DAW1: variants seen among roughly 807,000 people sequenced by gnomAD.
DAW1 encodes the protein dynein assembly factor with WD repeat domains 1.
A neutral mutation model predicts 56.5 loss-of-function variants in DAW1; 47 were observed. The ratio of observed to expected loss-of-function variants is 0.83; its 90% CI spans 0.66 to 1.06. DAW1 has a LOEUF of 1.06. Among genes scored for constraint, DAW1 ranks in the 50% least tolerant of loss-of-function variants. The pLI is 0.00. For missense variants in DAW1, 505 were observed against 499.3 expected (o/e 1.01, Z -0.11); for synonymous variants, 190 against 179.0 (o/e 1.06, Z -0.49).
intron 4 of DAW1, among the ~76,000 whole-genome samples, chr2:227,891,722 G>A (rs555664392): frequency 1.3e-5 from 2 of 152,340 alleles, no homozygotes; most frequent in African/African-American, 4.8e-5. Context: ...GGGAGCTGAC[G>A]TGCTAGGTAG....
chr2:227,898,141 G>T (rs1350378126), intron 5 of DAW1, 41 bp from the exon 6 acceptor site: 3 of 1,367,876 alleles, frequency 2.2e-6, no homozygotes, highest in Non-Finnish European at 3.0e-6. Flanking sequence ...ATTATATAAT[G>T]TGTCTTTTTT....
intron 1 of DAW1, among the ~76,000 whole-genome samples, chr2:227,883,487 G>A (rs976972418): frequency 2.0e-5 from 3 of 152,196 alleles, no homozygotes; most frequent in African/African-American, 7.2e-5. Flanking sequence ...GAGGTTTAAT[G>A]CAAGTATATG....
chr2:227,907,057 A>G lies in DAW1; in HGVS notation c.859-81A>G, dbSNP rs1332212346. 4.5e-5 allele frequency: 41 copies of G among 915,126 alleles called. No individual in the cohort carries two copies. In the South Asian group the frequency reaches 5.8e-4, roughly 13 times the overall value. The allele number at this position is 915,126 out of a possible 1,614,324, so 56.7% of individuals were successfully genotyped here. On this transcript the variant is annotated intron_variant, in intron 9 of 12. Transcript: ENST00000309931. Reference sequence around the variant, plus strand: ...TTATTTAACCAGCCATAAGCATGTCATGAAGACCACTGGCCATCTTCACAC... The same window carrying G: ...TTATTTAACCAGCCATAAGCATGTCGTGAAGACCACTGGCCATCTTCACAC...
intron 10 of DAW1, among the ~76,000 whole-genome samples, chr2:227,911,605 G>T (rs879657815): frequency 9.2e-5 from 14 of 151,932 alleles, no homozygotes; most frequent in Non-Finnish European, 1.8e-4. Flanking sequence ...TACCTTATGG[G>T]TGACATGGCC....
intron 10 of DAW1, among the ~76,000 whole-genome samples, chr2:227,917,112 G>GTATCTATC (rs57043132): frequency 0.018 from 2,647 of 148,360 alleles, 24 homozygotes; most frequent in African/African-American, 0.025. Context: ...ATGCATGACA[G>GTATCTATC]TATCTATCTA....
chr2:227,886,047 T>G (rs1366919001), intron 2 of DAW1, among the ~76,000 whole-genome samples: 3 of 149,706 alleles, frequency 2.0e-5, no homozygotes, highest in African/African-American at 7.4e-5. Flanking sequence ...CGATCTCGGC[T>G]CATTGCATCC....
chr2:227,873,172 T>C (rs1448851441), intron 1 of DAW1, among the ~76,000 whole-genome samples: 2 of 152,164 alleles, frequency 1.3e-5, no homozygotes, highest in African/African-American at 2.4e-5. Flanking sequence ...TTCCTTTTCT[T>C]CATTCAGTTT....
chr2:227,919,078 C>A (rs536384377), intron 11 of DAW1, among the ~76,000 whole-genome samples: 9 of 151,822 alleles, frequency 5.9e-5, no homozygotes, highest in Non-Finnish European at 1.3e-4. Context: ...CACCTGTAGT[C>A]CCATCTACTG....
chr2:227,903,845 C>G (rs1486105279), intron 7 of DAW1, among the ~76,000 whole-genome samples: 1 of 152,050 alleles, frequency 6.6e-6, no homozygotes, highest in Non-Finnish European at 1.5e-5. Context: ...CCTCAGAAAG[C>G]TTTTTCTAAG....
chr2:227,902,911 G>T (rs938922699), intron 6 of DAW1, 91 bp from the exon 7 acceptor site: 1 of 1,290,146 alleles, frequency 7.8e-7, no homozygotes, highest in South Asian at 1.3e-5. Context: ...ATGGAATCTG[G>T]TAAGGTAATT....
chr2:227,911,554 A>G (rs1691828857), intron 10 of DAW1, among the ~76,000 whole-genome samples: 1 of 151,890 alleles, frequency 6.6e-6, no homozygotes. Context: ...CACTTATATT[A>G]CACTGTAACT....
At chr2:227,883,109 T>G (rs1428110617) in intron 1 of DAW1, among the ~76,000 whole-genome samples, 1 of 152,112 alleles carries the variant, frequency 6.6e-6, no homozygotes, top group African/African-American at 2.4e-5. Context: ...AACAACATGG[T>G]TTTCAGACTC....
chr2:227,876,184 T>A (rs1304211758), intron 1 of DAW1, among the ~76,000 whole-genome samples: 2 of 152,006 alleles, frequency 1.3e-5, no homozygotes, highest in Non-Finnish European at 2.9e-5. Context: ...CCAGGCTAAT[T>A]AATTTTTTTG....
intron 10 of DAW1, among the ~76,000 whole-genome samples, chr2:227,910,366 A>G (rs1270031450): frequency 6.6e-6 from 1 of 152,112 alleles, no homozygotes; most frequent in Non-Finnish European, 1.5e-5. Context: ...CTAACTACTC[A>G]GTAAGCTGAG....
chr2:227,923,855 A>G, intron 12 of DAW1, 79 bp from the exon 13 acceptor site: 1 of 1,566,724 alleles, frequency 6.4e-7, no homozygotes, highest in East Asian at 2.4e-5. Flanking sequence ...AATGGCCCAG[A>G]AAATGTCAAC....
At chr2:227,884,217 T>C (rs959739714) in intron 1 of DAW1, among the ~76,000 whole-genome samples, 1 of 152,240 alleles carries the variant, frequency 6.6e-6, no homozygotes, top group African/African-American at 2.4e-5. Context: ...ATAAATATTT[T>C]CTGGGATTTT....
chr2:227,873,909 C>T (rs549029089), intron 1 of DAW1, among the ~76,000 whole-genome samples: 3 of 152,238 alleles, frequency 2.0e-5, no homozygotes, highest in Non-Finnish European at 4.4e-5. Context: ...TTGAATTCCT[C>T]ACCTCAAGTG....
intron 1 of DAW1, among the ~76,000 whole-genome samples, chr2:227,877,827 G>C (rs115087534): frequency 1.6e-3 from 245 of 152,386 alleles, no homozygotes; most frequent in African/African-American, 5.5e-3. Context: ...ACCTCCTGCT[G>C]TGTGGCCTGG....
intron 10 of DAW1, among the ~76,000 whole-genome samples, chr2:227,912,755 T>A (rs1248879463): frequency 6.6e-6 from 1 of 152,222 alleles, no homozygotes; most frequent in Non-Finnish European, 1.5e-5. Flanking sequence ...ATCTCCTTGA[T>A]GATCATATAA....
Sources: allele counts gnomAD v4.1 joint callset (sites outside exome capture counted in the v4.1 genomes callset), GRCh38; gene constraint gnomAD v4.1.1; transcripts MANE v1.5; gene names NCBI Gene and HGNC (gene_info 2026-07-23, HGNC 2026-07-21).